The following USH2A variants were observed in gnomAD, a reference collection of about 807,000 sequenced individuals.
USH2A encodes the protein usherin, also known as Usher syndrome 2A (autosomal recessive, mild).
A neutral mutation model predicts 538.9 loss-of-function variants in USH2A; 443 were observed. The ratio of observed to expected loss-of-function variants is 0.82; its 90% CI spans 0.76 to 0.89. The LOEUF (loss-of-function observed/expected upper bound fraction) is 0.89, where lower values mean the gene tolerates loss of function less well. Ranked by LOEUF, USH2A falls within the 40% of genes least tolerant of loss-of-function variation. The probability of loss-of-function intolerance (pLI) is 0.00; values close to 1 mark genes in which losing one functional copy is unlikely to be tolerated. For missense variants in USH2A, 6,633 were observed against 6,324.8 expected (o/e 1.05, Z -1.65); for synonymous variants, 2,413 against 2,273.5 (o/e 1.06, Z -1.75).
chr1:216,072,510 C>T (rs142935153), intron 29 of USH2A: 5 of 300,046 alleles, frequency 1.7e-5, no homozygotes, highest in East Asian at 1.8e-4. Flanking sequence ...CAAGAAGGTG[C>T]CACTCCCAGC....
At chr1:215,765,986 T>C (rs940573087) in intron 56 of USH2A, among the ~76,000 whole-genome samples, 2 of 152,182 alleles carry the variant, frequency 1.3e-5, no homozygotes, top group Non-Finnish European at 2.9e-5. Flanking sequence ...GTTTCTGGCA[T>C]AAATGATGAA....
At chr1:215,823,266 C>T (rs1663063960) in intron 47 of USH2A, among the ~76,000 whole-genome samples, 1 of 151,794 alleles carries the variant, frequency 6.6e-6, no homozygotes, top group African/African-American at 2.4e-5. Flanking sequence ...CTGGGAAGGA[C>T]TTCATTTCTC....
At chr1:216,143,573 G>A (rs1015745612) in intron 21 of USH2A, among the ~76,000 whole-genome samples, 30 of 152,108 alleles carry the variant, frequency 2.0e-4, no homozygotes, top group Non-Finnish European at 4.0e-4. Flanking sequence ...TGACTCCTAC[G>A]GAGTTTTTTA....
Position 215,813,731 on chromosome 1 carries a change from C to A in USH2A, c.9739+5G>T. 1 of 1,613,702 alleles carries A rather than the reference C, an allele frequency of 6.2e-7. No individual in the cohort carries two copies. The highest frequency in any genetic ancestry group is 8.5e-7 in the Non-Finnish European group (1 of 1,179,770). On this transcript the variant is annotated splice_donor_5th_base_variant and intron_variant, in intron 49 of 71. Transcript: ENST00000307340. ...TTTTTGAGTACACCTGGAAATAACC[C>A]TCACCTGGTAGAATTCTAGCGTAAT...
intron 32 of USH2A, among the ~76,000 whole-genome samples, chr1:216,042,615 G>A (rs988624941): frequency 6.6e-6 from 1 of 151,994 alleles, no homozygotes; most frequent in South Asian, 2.1e-4. Context: ...ACATGTTATG[G>A]TGTAGACTTA....
chr1:216,248,362 T>C lies in USH2A; in HGVS notation c.2168-1136A>G, dbSNP rs541669564. ...ATGTTTAGATGCAAAATACTTCCTT[T>C]AGATAGTTTCCAAATATCCATGAAT... On this transcript the variant is annotated intron_variant, in intron 12 of 71. Coordinates refer to ENST00000307340, the MANE Select transcript of USH2A (RefSeq NM_206933.4). Among the ~76,000 whole-genome samples, 214 of 152,204 alleles carry C rather than the reference T, an allele frequency of 1.4e-3. 1 individual carries two copies. Among genetic ancestry groups the C allele is most frequent in the African/African-American group, 5.0e-3 (209 of 41,578 alleles).
intron 67 of USH2A, among the ~76,000 whole-genome samples, chr1:215,644,578 A>G (rs12402248): frequency 8.6e-4 from 131 of 152,370 alleles, no homozygotes; most frequent in Non-Finnish European, 1.6e-3. Flanking sequence ...AGGAGAAACC[A>G]GGAGAGGGTG....
chr1:216,304,250 T>C (rs1020923223), intron 9 of USH2A, among the ~76,000 whole-genome samples: 1 of 152,048 alleles, frequency 6.6e-6, no homozygotes, highest in East Asian at 1.9e-4. Flanking sequence ...CTCCAGTAGA[T>C]GCCAGATCTC....
intron 4 of USH2A, among the ~76,000 whole-genome samples, chr1:216,329,819 A>G (rs1247338167): frequency 6.6e-6 from 1 of 152,046 alleles, no homozygotes; most frequent in Non-Finnish European, 1.5e-5. Flanking sequence ...CCCAGTTTGC[A>G]GTACTTTTGC....
intron 38 of USH2A, among the ~76,000 whole-genome samples, chr1:215,925,499 C>T (rs1325295144): frequency 2.0e-5 from 3 of 152,106 alleles, no homozygotes; most frequent in East Asian, 1.9e-4. Context: ...AATTGTGTAG[C>T]TTTTAATATA....
intron 3 of USH2A, among the ~76,000 whole-genome samples, chr1:216,371,643 C>A (rs1047430329): frequency 6.6e-6 from 1 of 152,138 alleles, no homozygotes; most frequent in African/African-American, 2.4e-5. Context: ...TAGATTCAGC[C>A]TATTGCTCCG....
chr1:215,766,824 A>G, intron 55 of USH2A, 36 bp from the exon 56 acceptor site: 1 of 1,567,632 alleles, frequency 6.4e-7, no homozygotes. Flanking sequence ...GTGCACCTTA[A>G]GAGGATTATT....
intron 11 of USH2A, among the ~76,000 whole-genome samples, chr1:216,268,430 C>T (rs2036515803): frequency 6.6e-6 from 1 of 152,086 alleles, no homozygotes; most frequent in Non-Finnish European, 1.5e-5. Context: ...TGTTTAGCAT[C>T]ATCTCTGGAA....
intron 50 of USH2A, among the ~76,000 whole-genome samples, chr1:215,796,334 G>A (rs998837758): frequency 6.6e-6 from 1 of 152,074 alleles, no homozygotes; most frequent in Admixed American, 6.6e-5. Context: ...TTTTCCAATA[G>A]CACGTGTTCG....
At chr1:215,629,136 G>A in intron 70 of USH2A, 101 bp from the exon 71 acceptor site, 1 of 1,223,640 alleles carries the variant, frequency 8.2e-7, no homozygotes, top group Non-Finnish European at 1.2e-6. Flanking sequence ...GGGAATGACT[G>A]TCTCCTGACA....
chr1:215,819,251 C>T (rs1053942978), intron 47 of USH2A, among the ~76,000 whole-genome samples: 1 of 151,696 alleles, frequency 6.6e-6, no homozygotes, highest in Non-Finnish European at 1.5e-5. Flanking sequence ...TTTCAACTAT[C>T]CCTTTCATTT....
At chr1:215,910,422 T>G (rs1464361633) in intron 38 of USH2A, among the ~76,000 whole-genome samples, 1 of 151,990 alleles carries the variant, frequency 6.6e-6, no homozygotes, top group African/African-American at 2.4e-5. Context: ...TACCAAAATC[T>G]CTATGTGCCC....
chr1:216,222,904 G>A (rs1350812626), intron 14 of USH2A, among the ~76,000 whole-genome samples: 1 of 150,418 alleles, frequency 6.6e-6, no homozygotes, highest in African/African-American at 2.4e-5. Context: ...TTTGAACCCA[G>A]GAGGCGGAGG....
intron 47 of USH2A, among the ~76,000 whole-genome samples, chr1:215,820,016 C>T (rs930584901): frequency 3.3e-5 from 5 of 151,668 alleles, no homozygotes; most frequent in Non-Finnish European, 7.4e-5. Context: ...ATAGAAGGAA[C>T]ATTCTTCAAT....
Sources: allele counts gnomAD v4.1 joint callset (sites outside exome capture counted in the v4.1 genomes callset), GRCh38; gene constraint gnomAD v4.1.1; transcripts MANE v1.5; gene names NCBI Gene and HGNC (gene_info 2026-07-23, HGNC 2026-07-21).